Variants in SRPK2 observed in about 807,000 individuals in gnomAD.
SRPK2 encodes the protein SRSF protein kinase 2.
In SRPK2, 21 loss-of-function variants were observed where a neutral mutation model predicts 90.8. That is an observed-to-expected ratio of 0.23 (90% CI 0.16 to 0.33). The LOEUF is 0.33. Ranked by LOEUF, SRPK2 falls within the 10% of genes least tolerant of loss-of-function variation. The probability of loss-of-function intolerance (pLI) is 1.00; values close to 1 mark genes in which losing one functional copy is unlikely to be tolerated. For missense variants in SRPK2, 620 were observed against 869.0 expected, an observed-to-expected ratio of 0.71 and a Z score of 3.60; for synonymous variants, 288 against 311.1, an observed-to-expected ratio of 0.93 and a Z score of 0.78.
At chr7:105,147,216 CAGT>C (rs1804771957) in intron 7 of SRPK2, among the ~76,000 whole-genome samples, 1 of 152,140 alleles carries the variant, frequency 6.6e-6, no homozygotes, top group Non-Finnish European at 1.5e-5. Context: ...TTCTGATCAA[CAGT>C]AGGCTAGTAA....
chr7:105,216,983 T>C (rs1797552023), intron 2 of SRPK2, among the ~76,000 whole-genome samples: 1 of 152,196 alleles, frequency 6.6e-6, no homozygotes. Context: ...AGGTTAATCC[T>C]CACCTCCCCA....
intron 2 of SRPK2, among the ~76,000 whole-genome samples, chr7:105,313,055 G>C (rs1241073147): frequency 6.6e-6 from 1 of 151,972 alleles, no homozygotes; most frequent in Non-Finnish European, 1.5e-5. Flanking sequence ...ATGGTCAGTG[G>C]GCAATAACAT....
chr7:105,333,093 C>G (rs1404963329), intron 2 of SRPK2, among the ~76,000 whole-genome samples: 1 of 152,106 alleles, frequency 6.6e-6, no homozygotes, highest in African/African-American at 2.4e-5. Context: ...ACTTGGGAGG[C>G]TGAGGCAGAA....
chr7:105,205,701 A>G (rs1381243563), intron 2 of SRPK2, among the ~76,000 whole-genome samples: 1 of 152,056 alleles, frequency 6.6e-6, no homozygotes, highest in African/African-American at 2.4e-5. Flanking sequence ...CCCAGGCAAA[A>G]GAGAGTTCTG....
chr7:105,117,753 A>G lies in SRPK2; in HGVS notation c.*85T>C. ...TGAGGATGAAGCCAGCTCACTTGTAATCCTGTTAAAGAATGAGAGTCACCG... is the reference window on the plus strand; with the variant it reads ...TGAGGATGAAGCCAGCTCACTTGTAGTCCTGTTAAAGAATGAGAGTCACCG... On this transcript the variant is annotated 3_prime_UTR_variant, in exon 16 of 16. Transcript: ENST00000393651. 1.4e-6 allele frequency: 2 copies of G among 1,436,668 alleles called. No homozygotes were observed. The highest frequency in any genetic ancestry group is 4.7e-5 in the East Asian group (2 of 42,418). The allele number at this position is 1,436,668 out of a possible 1,614,324, so 89.0% of individuals were successfully genotyped here.
chr7:105,206,857 T>C (rs1012799794), intron 2 of SRPK2, among the ~76,000 whole-genome samples: 2 of 152,232 alleles, frequency 1.3e-5, no homozygotes, highest in Non-Finnish European at 2.9e-5. Context: ...ACCTTTCAGA[T>C]CCAACCTGTA....
At chr7:105,319,991 A>T (rs968340004) in intron 2 of SRPK2, among the ~76,000 whole-genome samples, 11 of 152,044 alleles carry the variant, frequency 7.2e-5, no homozygotes, top group African/African-American at 2.7e-4. Flanking sequence ...TTTAAATTTA[A>T]TTCAGCTGAA....
At chr7:105,397,647 A>C (rs1482152832) in intron 1 of SRPK2, among the ~76,000 whole-genome samples, 1 of 147,896 alleles carries the variant, frequency 6.8e-6, no homozygotes, top group African/African-American at 2.5e-5. Flanking sequence ...ATTTTAAAGT[A>C]ATTTTTTTTT....
In SRPK2 at chr7:105,171,013, G is replaced by GAA. The variant is rs1354594120; in HGVS notation, c.230-1749_230-1748insTT. Among the ~76,000 whole-genome samples the GAA allele has an allele frequency of 1.1e-3, 132 of 124,482 alleles. 6 individuals are homozygous for GAA. Among genetic ancestry groups the GAA allele is most frequent in the Admixed American group, 3.4e-3 (42 of 12,292 alleles). The allele number at this position is 124,482 out of a possible 152,430, so 81.7% of individuals were successfully genotyped here. On this transcript the variant is annotated intron_variant, in intron 3 of 15. Transcript: ENST00000393651. Reference sequence around the variant, plus strand: ...AAAGAAAGAGAAAGAAAGAAAGAAAGAGAGGAAGGAAGGAAGGAAGGAAGG... The same window carrying GAA: ...AAAGAAAGAGAAAGAAAGAAAGAAAGAAAGAGGAAGGAAGGAAGGAAGGAAGG...
intron 2 of SRPK2, among the ~76,000 whole-genome samples, chr7:105,286,334 G>C (rs1308763839): frequency 6.6e-6 from 1 of 152,032 alleles, no homozygotes; most frequent in African/African-American, 2.4e-5. Context: ...AATTTCTTTT[G>C]TCCTCTCTGC....
At chr7:105,150,445 G>A (rs1049500976) in intron 7 of SRPK2, among the ~76,000 whole-genome samples, 1 of 152,234 alleles carries the variant, frequency 6.6e-6, no homozygotes, top group African/African-American at 2.4e-5. Context: ...TGAGGCACAA[G>A]GCGGAGGTCA....
intron 2 of SRPK2, among the ~76,000 whole-genome samples, chr7:105,258,696 T>G (rs1051704334): frequency 6.6e-6 from 1 of 152,102 alleles, no homozygotes; most frequent in Admixed American, 6.6e-5. Context: ...ACAATCAACT[T>G]GGCTTCACCC....
intron 3 of SRPK2, among the ~76,000 whole-genome samples, chr7:105,184,265 C>G (rs969281116): frequency 1.3e-5 from 2 of 152,130 alleles, no homozygotes; most frequent in African/African-American, 4.8e-5. Flanking sequence ...AGGAGTGAGC[C>G]ACCACACCTG....
rs1380538299 is a variant in SRPK2, at chr7:105,299,767, G to A, written c.71+88881C>T. On this transcript the variant is annotated intron_variant, in intron 2 of 15. Coordinates refer to ENST00000393651, the MANE Select transcript of SRPK2 (RefSeq NM_182692.3). ...AAATTAGCCAGGTGTGGTGGAGGGT[G>A]CCTGTAATCTCAGCTACCTGGGAGG... 2.6e-5 allele frequency among the ~76,000 whole-genome samples: 4 copies of A among 152,216 alleles called. No individual in the cohort carries two copies. In the Middle Eastern group the frequency reaches 0.014, roughly 518 times the overall value.
intron 2 of SRPK2, among the ~76,000 whole-genome samples, chr7:105,243,933 A>G (rs1370744246): frequency 6.6e-6 from 1 of 152,242 alleles, no homozygotes; most frequent in Non-Finnish European, 1.5e-5. Flanking sequence ...GAAACAGCCA[A>G]GGTAACTGAG....
intron 2 of SRPK2, among the ~76,000 whole-genome samples, chr7:105,235,521 G>A (rs1407672364): frequency 6.6e-6 from 1 of 152,016 alleles, no homozygotes; most frequent in Non-Finnish European, 1.5e-5. Context: ...TATTGCCAAA[G>A]GAAGTGTTCC....
intron 2 of SRPK2, among the ~76,000 whole-genome samples, chr7:105,219,872 T>C (rs1397046445): frequency 1.3e-5 from 2 of 152,250 alleles, no homozygotes; most frequent in African/African-American, 4.8e-5. Flanking sequence ...ATTCTGTTTA[T>C]TTAGTGGAGA....
At chr7:105,344,274 CTT>C (rs753921303) in intron 2 of SRPK2, among the ~76,000 whole-genome samples, 2 of 145,066 alleles carry the variant, frequency 1.4e-5, no homozygotes, top group Non-Finnish European at 3.1e-5. Flanking sequence ...TTCAAAAAAA[CTT>C]TATTTATGGA....
intron 2 of SRPK2, among the ~76,000 whole-genome samples, chr7:105,218,903 G>T (rs953418462): frequency 1.3e-5 from 2 of 150,616 alleles, no homozygotes; most frequent in East Asian, 2.0e-4. Flanking sequence ...ACAAATAAAA[G>T]AAAAAAAATC....
Sources: gnomAD v4.1 joint callset for allele counts (sites outside exome capture counted in the v4.1 genomes callset) on GRCh38, gnomAD v4.1.1 for gene constraint, MANE v1.5 for transcripts, NCBI Gene and HGNC (gene_info 2026-07-23, HGNC 2026-07-21) for gene names.